Variants in CHN2 observed in about 807,000 individuals in gnomAD.
CHN2 encodes chimerin 2, also known as beta-chimaerin.
Under a neutral mutation model 56.3 loss-of-function variants are expected in CHN2, and 35 were observed. The observed-to-expected ratio is 0.62, with a 90% confidence interval of 0.47 to 0.82. The LOEUF is 0.82. CHN2 is among the 40% of genes least tolerant of loss of function. The pLI is 0.00. For synonymous variants in CHN2, 210 were observed against 212.8 expected, an observed-to-expected ratio of 0.99 and a Z score of 0.12; for missense variants, 491 against 580.5, an observed-to-expected ratio of 0.85 and a Z score of 1.58.
intron 7 of CHN2, among the ~76,000 whole-genome samples, chr7:29,480,880 G>A (rs1040239411): frequency 1.6e-4 from 24 of 148,310 alleles, no homozygotes; most frequent in Non-Finnish European, 1.5e-4. Context: ...TGTGCTCCGG[G>A]TACGGCTAGC....
At chr7:29,466,868 T>C (rs543579730) in intron 6 of CHN2, among the ~76,000 whole-genome samples, 5 of 152,176 alleles carry the variant, frequency 3.3e-5, no homozygotes, top group African/African-American at 1.2e-4. Context: ...GTGGCAAAGT[T>C]TTTCTTTTTT....
At position 29,418,412 on chromosome 7, in the gene CHN2, A is replaced by C. The variant is rs1803997254; in HGVS notation, c.576+17584A>C. Reference sequence around the variant, plus strand: ...TTGCAGGAGAGTTGTGAGATCCAGAAATTACTATTTGACTGGGGAGTGGTA... The same window carrying C: ...TTGCAGGAGAGTTGTGAGATCCAGACATTACTATTTGACTGGGGAGTGGTA... On this transcript the variant is annotated intron_variant, in intron 6 of 12. Coordinates refer to ENST00000222792, the MANE Select transcript of CHN2 (RefSeq NM_004067.4). 3.3e-5 allele frequency among the ~76,000 whole-genome samples: 5 copies of C among 152,224 alleles called. No homozygotes were observed. The South Asian group carries it at 1.0e-3, about 31-fold the overall frequency.
chr7:29,298,188 T>C (rs1392393303), intron 1 of CHN2, among the ~76,000 whole-genome samples: 1 of 152,198 alleles, frequency 6.6e-6, no homozygotes, highest in Non-Finnish European at 1.5e-5. Flanking sequence ...CCAGACCTCA[T>C]TTATGCCATA....
upstream of CHN2, chr7:29,194,467 G>A (rs992837805): frequency 1.3e-5 from 2 of 155,814 alleles, no homozygotes; most frequent in Non-Finnish European, 2.8e-5. Flanking sequence ...GGGGGAGGTC[G>A]CTCTGTCTGT....
chr7:29,472,719 G>A (rs1238534328), intron 6 of CHN2, among the ~76,000 whole-genome samples: 9 of 152,154 alleles, frequency 5.9e-5, no homozygotes, highest in African/African-American at 2.2e-4. Context: ...TGAATGTCAA[G>A]CCAATGTTGG....
chr7:29,261,893 C>A (rs557393072), intron 1 of CHN2, among the ~76,000 whole-genome samples: 8 of 152,172 alleles, frequency 5.3e-5, no homozygotes, highest in Non-Finnish European at 1.0e-4. Context: ...GTGCACCAGG[C>A]GTGGTGGGTT....
intron 1 of CHN2, among the ~76,000 whole-genome samples, chr7:29,352,368 T>C (rs1025284912): frequency 1.5e-5 from 2 of 133,624 alleles, no homozygotes; most frequent in Admixed American, 7.1e-5. Flanking sequence ...TGTGTGTGTG[T>C]ATGTGTGTGT....
At chr7:29,200,483 C>G (rs879570515) in intron 1 of CHN2, among the ~76,000 whole-genome samples, 7 of 143,028 alleles carry the variant, frequency 4.9e-5, no homozygotes, top group South Asian at 2.3e-4. Context: ...CTTCCCCCCC[C>G]CTTTTGTCTC....
At chr7:29,404,569 C>T (rs184158213) in intron 6 of CHN2, among the ~76,000 whole-genome samples, 7 of 152,154 alleles carry the variant, frequency 4.6e-5, no homozygotes, top group Non-Finnish European at 1.0e-4. Context: ...CACACAACCC[C>T]AGGAAAGGAA....
chr7:29,475,320 C>T (rs571519311), intron 6 of CHN2, among the ~76,000 whole-genome samples: 2 of 152,190 alleles, frequency 1.3e-5, no homozygotes, highest in East Asian at 3.9e-4. Context: ...TAAGTGGTAC[C>T]TGCTTTCACA....
chr7:29,328,233 A>G (rs1165499871), intron 1 of CHN2, among the ~76,000 whole-genome samples: 3 of 152,184 alleles, frequency 2.0e-5, no homozygotes, highest in African/African-American at 7.2e-5. Flanking sequence ...TATTTAACTT[A>G]GGCAAACACT....
chr7:29,270,491 C>CT (rs1462638324), intron 1 of CHN2, among the ~76,000 whole-genome samples: 5 of 54,214 alleles, frequency 9.2e-5, no homozygotes, highest in African/African-American at 6.6e-4. Context: ...CCCATCTCTA[C>CT]TAAAAAAAAA....
chr7:29,353,583 T>A (rs926791981), intron 1 of CHN2, among the ~76,000 whole-genome samples: 2 of 151,968 alleles, frequency 1.3e-5, no homozygotes, highest in African/African-American at 4.8e-5. Context: ...GAACCCAGGA[T>A]GCGAAGGTTG....
intron 1 of CHN2, among the ~76,000 whole-genome samples, chr7:29,276,387 T>G (rs1283590638): frequency 6.6e-6 from 1 of 152,160 alleles, no homozygotes; most frequent in Non-Finnish European, 1.5e-5. Context: ...TGGATATTAT[T>G]TCCCTGTCTC....
intron 1 of CHN2, among the ~76,000 whole-genome samples, chr7:29,348,691 G>C (rs1797653523): frequency 6.6e-6 from 1 of 152,136 alleles, no homozygotes; most frequent in South Asian, 2.1e-4. Flanking sequence ...TATTACAACA[G>C]TTATTTTTGT....
rs191659504 is a variant in CHN2 at position 29,387,828 on chromosome 7, G to A, written c.145-5851G>A. 1.6e-4 allele frequency among the ~76,000 whole-genome samples: 25 copies of A among 152,212 alleles called. No individual in the cohort carries two copies. The East Asian group carries it at 2.5e-3, about 15-fold the overall frequency. ...CAGGTCCAATTAGATAGTAACTTTC[G>A]AATCTTTGGTAATATCACTGCATTA... On this transcript the variant is annotated intron_variant, in intron 3 of 12. Coordinates refer to ENST00000222792, the MANE Select transcript of CHN2 (RefSeq NM_004067.4).
At chr7:29,252,574 C>CTTT (rs150230689) in intron 1 of CHN2, among the ~76,000 whole-genome samples, 6 of 19,298 alleles carry the variant, frequency 3.1e-4, no homozygotes, top group East Asian at 1.4e-3. Flanking sequence ...AAATTGCATT[C>CTTT]TTTGTTTTTT....
rs573777430 is a variant in CHN2 at position 29,197,298 on chromosome 7, AT to A, written c.49+2310del. On this transcript the variant is annotated intron_variant, in intron 1 of 12. Coordinates refer to ENST00000222792, the MANE Select transcript of CHN2 (RefSeq NM_004067.4). Reference sequence around the variant, plus strand: ...GCTAAGGGGGAAAGATAATTGTAGGATTCCCTCTAGCTCTGAAGTTCTGGGA... The same window carrying A: ...GCTAAGGGGGAAAGATAATTGTAGGATCCCTCTAGCTCTGAAGTTCTGGGA... Among the ~76,000 whole-genome samples the A allele has an allele frequency of 7.2e-5, 11 of 152,326 alleles. No individual in the cohort carries two copies. The South Asian group carries it at 2.3e-3, about 32-fold the overall frequency.
intron 3 of CHN2, among the ~76,000 whole-genome samples, chr7:29,377,476 TG>T (rs1188712011): frequency 2.0e-5 from 3 of 152,270 alleles, no homozygotes; most frequent in African/African-American, 7.2e-5. Context: ...AATGTCCTCT[TG>T]CCTTAATGAA....
Sources: allele counts gnomAD v4.1 joint callset (sites outside exome capture counted in the v4.1 genomes callset), GRCh38; gene constraint gnomAD v4.1.1; transcripts MANE v1.5; gene names NCBI Gene and HGNC (gene_info 2026-07-23, HGNC 2026-07-21).